BLTP3A: variants seen among roughly 807,000 people sequenced by gnomAD.
The protein encoded by BLTP3A is bridge-like lipid transfer protein family member 3A, also known as ICBP90 binding protein 1.
chr6:34,874,647 C>T, the BLTP3A span: 9 of 152,224 alleles, frequency 5.9e-5, no homozygotes, highest in African/African-American at 2.2e-4. Flanking sequence ...GAAGAATTAT[C>T]AACTGATATG....
the BLTP3A span, among the ~76,000 whole-genome samples, chr6:34,861,492 G>A: frequency 1.3e-5 from 2 of 152,302 alleles, no homozygotes; most frequent in South Asian, 4.1e-4. Context: ...TAGGAAATAA[G>A]AGAGTAAAGA....
chr6:34,839,227 G>A, the BLTP3A span, among the ~76,000 whole-genome samples: 2 of 152,198 alleles, frequency 1.3e-5, no homozygotes, highest in South Asian at 4.1e-4. Context: ...TCCAGCCTGG[G>A]CAACAAGAAC....
At chr6:34,845,282 C>T in the BLTP3A span, among the ~76,000 whole-genome samples, 518 of 152,210 alleles carry the variant, frequency 3.4e-3, 4 homozygotes, top group Middle Eastern at 6.8e-3. Flanking sequence ...AGTCAGGTAA[C>T]GTGATTCCTC....
At chr6:34,819,788 G>A in the BLTP3A span, among the ~76,000 whole-genome samples, 1 of 152,210 alleles carries the variant, frequency 6.6e-6, no homozygotes, top group African/African-American at 2.4e-5. Flanking sequence ...CGAGAGCACA[G>A]CATCGAGGAC....
the BLTP3A span, chr6:34,874,099 TG>T: frequency 6.6e-6 from 1 of 152,212 alleles, no homozygotes; most frequent in Non-Finnish European, 1.5e-5. Context: ...AAGATGCTAA[TG>T]GGAAGTTACC....
chr6:34,800,999 G>T, the BLTP3A span, among the ~76,000 whole-genome samples: 1 of 152,126 alleles, frequency 6.6e-6, no homozygotes, highest in Non-Finnish European at 1.5e-5. Context: ...AAAGTGTTGG[G>T]ATTACAGGCG....
At chr6:34,802,164 G>A in the BLTP3A span, among the ~76,000 whole-genome samples, 1 of 152,106 alleles carries the variant, frequency 6.6e-6, no homozygotes, top group Non-Finnish European at 1.5e-5. Context: ...TCACCAATAT[G>A]ATAAAGTTGT....
At chr6:34,818,057 A>C in the BLTP3A span, among the ~76,000 whole-genome samples, 2 of 151,696 alleles carry the variant, frequency 1.3e-5, no homozygotes, top group East Asian at 3.9e-4. Context: ...ACGGGGTTTC[A>C]CCGTGTTAGC....
chr6:34,805,229 C>T, the BLTP3A span, among the ~76,000 whole-genome samples: 1 of 151,814 alleles, frequency 6.6e-6, no homozygotes, highest in Admixed American at 6.6e-5. Flanking sequence ...TTCAGTGAAC[C>T]GTGACTGTGC....
At chr6:34,819,217 A>G in the BLTP3A span, among the ~76,000 whole-genome samples, 2 of 150,384 alleles carry the variant, frequency 1.3e-5, no homozygotes, top group Non-Finnish European at 2.9e-5. Context: ...GGTTAGTTAC[A>G]TATGTATACA....
chr6:34,848,458 TA>T, the BLTP3A span, among the ~76,000 whole-genome samples: 1 of 151,658 alleles, frequency 6.6e-6, no homozygotes, highest in Non-Finnish European at 1.5e-5. Flanking sequence ...ATACAAAAAT[TA>T]GCTTGGCATG....
chr6:34,850,933 C>T, the BLTP3A span, among the ~76,000 whole-genome samples: 1 of 152,096 alleles, frequency 6.6e-6, no homozygotes, highest in Non-Finnish European at 1.5e-5. Flanking sequence ...TCTGACCTCC[C>T]ATCTCACTTT....
At chr6:34,812,535 A>G in the BLTP3A span, among the ~76,000 whole-genome samples, 2 of 152,120 alleles carry the variant, frequency 1.3e-5, no homozygotes, top group Non-Finnish European at 2.9e-5. Context: ...TAGAGGCACC[A>G]TCGTAGCCCA....
chr6:34,840,071 G>A, the BLTP3A span, among the ~76,000 whole-genome samples: 102 of 152,224 alleles, frequency 6.7e-4, no homozygotes, highest in Non-Finnish European at 2.8e-4. Flanking sequence ...GATAACAGGT[G>A]GAGTTATATG....
the BLTP3A span, chr6:34,858,399 C>T: frequency 6.2e-7 from 1 of 1,614,124 alleles, no homozygotes; most frequent in Non-Finnish European, 8.5e-7. Flanking sequence ...AGCCTAATAC[C>T]CTCCCTCCCC....
the BLTP3A span, among the ~76,000 whole-genome samples, chr6:34,866,862 C>T: frequency 2.0e-5 from 3 of 152,102 alleles, no homozygotes; most frequent in Admixed American, 6.5e-5. Context: ...TGGCTTATTC[C>T]ACTTGGTATA....
the BLTP3A span, chr6:34,834,975 G>A: frequency 1.5e-6 from 2 of 1,319,250 alleles, no homozygotes; most frequent in African/African-American, 1.5e-5. Flanking sequence ...GACAGTTGAA[G>A]GGGGAAGGCC....
At chr6:34,840,242 G>C in the BLTP3A span, among the ~76,000 whole-genome samples, 1 of 152,094 alleles carries the variant, frequency 6.6e-6, no homozygotes, top group African/African-American at 2.4e-5. Context: ...AATAACATTT[G>C]GGTATATTGG....
the BLTP3A span, among the ~76,000 whole-genome samples, chr6:34,852,601 T>C: frequency 7.0e-6 from 1 of 142,780 alleles, no homozygotes; most frequent in Non-Finnish European, 1.5e-5. Context: ...GGAAGCAGTC[T>C]CTCCCAGAGC....
Sources: gnomAD v4.1 joint callset for allele counts (sites outside exome capture counted in the v4.1 genomes callset) on GRCh38, gnomAD v4.1.1 for gene constraint, MANE v1.5 for transcripts, NCBI Gene and HGNC (gene_info 2026-07-23, HGNC 2026-07-21) for gene names.